ATP8B1: variants seen among roughly 807,000 people sequenced by gnomAD.
ATP8B1 encodes the protein ATPase phospholipid transporting 8B1.
ATP8B1 carries 80 observed loss-of-function variants against 149.9 expected under a neutral mutation model. The observed-to-expected ratio is 0.53, with a 90% CI of 0.45 to 0.64. The LOEUF (loss-of-function observed/expected upper bound fraction) is 0.64. ATP8B1 is among the 30% of genes least tolerant of loss of function. ATP8B1 has a pLI of 0.00. For missense variants in ATP8B1, 1,247 were observed against 1,552.6 expected (o/e 0.80, Z 3.31); for synonymous variants, 536 against 562.8 (o/e 0.95, Z 0.67).
chr18:57,710,121 C>T (rs1913620287), intron 2 of ATP8B1, among the ~76,000 whole-genome samples: 3 of 152,060 alleles, frequency 2.0e-5, no homozygotes, highest in Middle Eastern at 3.4e-3. Context: ...TACAGGCATG[C>T]ACCACACTGT....
chr18:57,745,623 C>T (rs2079957159), intron 1 of ATP8B1, among the ~76,000 whole-genome samples: 1 of 151,222 alleles, frequency 6.6e-6, no homozygotes, highest in South Asian at 2.1e-4. Flanking sequence ...ATGGAAACCA[C>T]ATGAGTGTCC....
rs1047384445 is a variant in ATP8B1 at position 57,647,580 on chromosome 18, A to G, written c.*908T>C. 1.3e-5 allele frequency: 2 copies of G among 152,598 alleles called. No homozygotes were observed. The highest frequency in any genetic ancestry group is 2.9e-5 in the Non-Finnish European group (2 of 68,022). 9.5% of individuals were successfully genotyped at this position (152,598 alleles called of 1,614,324 possible). A position where few individuals can be genotyped will look rare whatever the true frequency, so the allele number is the denominator to read the frequency against. The stretch of plus-strand genomic sequence containing the variant: ...AAGGGGCCTCTGGGAAATTATGCTG[A>G]AGATCACCGAAAGGAAAATGTAACT... On this transcript the variant is annotated 3_prime_UTR_variant, in exon 28 of 28. Transcript: ENST00000648908.
chr18:57,794,641 C>T (rs151326242), intron 1 of ATP8B1, among the ~76,000 whole-genome samples: 60 of 151,976 alleles, frequency 3.9e-4, no homozygotes, highest in African/African-American at 9.9e-4. Flanking sequence ...TGGCATATGA[C>T]GGTCATGGTG....
chr18:57,753,251 C>G (rs2080040281), intron 1 of ATP8B1, among the ~76,000 whole-genome samples: 1 of 152,180 alleles, frequency 6.6e-6, no homozygotes, highest in African/African-American at 2.4e-5. Flanking sequence ...ACAAGTGAAA[C>G]AAACCACATT....
At chr18:57,758,542 G>T (rs918266959) in intron 1 of ATP8B1, among the ~76,000 whole-genome samples, 4 of 151,612 alleles carry the variant, frequency 2.6e-5, no homozygotes, top group Non-Finnish European at 5.9e-5. Context: ...CAGCTACTTG[G>T]GAGGCTGAGG....
intron 1 of ATP8B1, among the ~76,000 whole-genome samples, chr18:57,775,358 C>T (rs778481464): frequency 1.3e-4 from 18 of 136,292 alleles, no homozygotes; most frequent in Non-Finnish European, 2.5e-4. Context: ...GGGAGAGAGA[C>T]GAAAGAAAGA....
intron 1 of ATP8B1, among the ~76,000 whole-genome samples, chr18:57,777,570 A>T (rs1029079132): frequency 2.0e-5 from 3 of 152,152 alleles, no homozygotes; most frequent in Non-Finnish European, 2.9e-5. Context: ...TTTATTTTTT[A>T]TTTATTTATT....
At chr18:57,759,744 G>A (rs908831789) in intron 1 of ATP8B1, among the ~76,000 whole-genome samples, 7 of 152,066 alleles carry the variant, frequency 4.6e-5, no homozygotes, top group East Asian at 3.9e-4. Context: ...GCATGAACCC[G>A]GGAGGCGGAG....
At chr18:57,729,852 G>C (rs921190017) in intron 2 of ATP8B1, among the ~76,000 whole-genome samples, 11 of 64 alleles carry the variant, frequency 0.17, no homozygotes, top group East Asian at 0.5. Flanking sequence ...TGCCCGGCAG[G>C]GAATTTCACT....
intron 24 of ATP8B1, 139 bp from the exon 25 acceptor site, chr18:57,652,868 A>C (rs1234101859): frequency 1.3e-5 from 13 of 1,035,224 alleles, no homozygotes; most frequent in Non-Finnish European, 1.7e-5. Flanking sequence ...ATAATCGATC[A>C]ATCCTGCAAT....
At position 57,683,923 on chromosome 18, in the gene ATP8B1, C is replaced by T. The variant is rs1307737407; in HGVS notation, c.1630+113G>A. 5 of 1,353,224 alleles carry T rather than the reference C, an allele frequency of 3.7e-6. No homozygotes were observed. In the East Asian group the frequency reaches 9.3e-5, roughly 25 times the overall value. 83.8% of individuals were successfully genotyped at this position (1,353,224 alleles called of 1,614,324 possible). A position where few individuals can be genotyped will look rare whatever the true frequency, so the allele number is the denominator to read the frequency against. On this transcript the variant is annotated intron_variant, in intron 15 of 27. Coordinates refer to ENST00000648908, the MANE Select transcript of ATP8B1 (RefSeq NM_001374385.1). ...AGTGCTGAGAAATATTCACTGCATT[C>T]TAATATGAGACAGATTTGTGTACTA...
intron 20 of ATP8B1, among the ~76,000 whole-genome samples, chr18:57,663,462 T>A (rs985940987): frequency 3.3e-5 from 5 of 152,218 alleles, no homozygotes; most frequent in Admixed American, 3.3e-4. Flanking sequence ...AGTGGGATTG[T>A]TGCATCATAT....
At chr18:57,754,114 C>T (rs1377098811) in intron 1 of ATP8B1, among the ~76,000 whole-genome samples, 2 of 151,966 alleles carry the variant, frequency 1.3e-5, no homozygotes, top group Non-Finnish European at 2.9e-5. Context: ...TTTACTTGTT[C>T]TTTTTGTGCA....
At chr18:57,686,505 C>T (rs1430044474) in intron 13 of ATP8B1, among the ~76,000 whole-genome samples, 2 of 152,076 alleles carry the variant, frequency 1.3e-5, no homozygotes, top group Non-Finnish European at 2.9e-5. Flanking sequence ...ACTGCAACCT[C>T]CACCTCCCGG....
chr18:57,677,008 C>G (rs779882366), intron 15 of ATP8B1, among the ~76,000 whole-genome samples: 2 of 152,058 alleles, frequency 1.3e-5, no homozygotes, highest in African/African-American at 4.8e-5. Flanking sequence ...AAGATGCAGT[C>G]TCTTTTAGGA....
intron 1 of ATP8B1, among the ~76,000 whole-genome samples, chr18:57,753,332 G>A (rs1287443525): frequency 6.6e-6 from 1 of 152,234 alleles, no homozygotes; most frequent in Non-Finnish European, 1.5e-5. Flanking sequence ...GAGAGGAAGT[G>A]GACAGATCTA....
chr18:57,682,232 C>G (rs973435575), intron 15 of ATP8B1, among the ~76,000 whole-genome samples: 2 of 152,122 alleles, frequency 1.3e-5, no homozygotes, highest in Non-Finnish European at 2.9e-5. Flanking sequence ...TTTTGAACTC[C>G]TGACCTCATG....
intron 1 of ATP8B1, among the ~76,000 whole-genome samples, chr18:57,780,006 C>T (rs996817643): frequency 5.3e-5 from 8 of 152,052 alleles, no homozygotes; most frequent in Non-Finnish European, 1.0e-4. Context: ...TAAATCACCA[C>T]GGCATATAAA....
intron 1 of ATP8B1, chr18:57,738,000 A>G (rs404736): frequency 0.98 from 148,688 of 152,308 alleles, 72,670 homozygotes; most frequent in East Asian, 1. Flanking sequence ...TGTGTGAAAC[A>G]CAGACACACA....
Sources: allele counts gnomAD v4.1 joint callset (sites outside exome capture counted in the v4.1 genomes callset), GRCh38; gene constraint gnomAD v4.1.1; transcripts MANE v1.5; gene names NCBI Gene and HGNC (gene_info 2026-07-23, HGNC 2026-07-21).